The following GLUD2 variants were observed in gnomAD, a reference collection of about 807,000 sequenced individuals.
GLUD2 encodes glutamate dehydrogenase 2, mitochondrial.
A neutral mutation model predicts 16.2 loss-of-function variants in GLUD2; 11 were observed. That is an observed-to-expected ratio of 0.68 (90% confidence interval 0.43 to 1.13). GLUD2 has a LOEUF of 1.13. Among genes scored for constraint, GLUD2 ranks in the 50% most tolerant of loss-of-function variants. GLUD2 has a pLI of 0.00. For synonymous variants in GLUD2, 147 were observed against 181.9 expected (o/e 0.81, Z 1.55); for missense variants, 360 against 456.4 (o/e 0.79, Z 1.93).
In GLUD2 at chrX:121,048,285, A is replaced by T. The variant is rs1353958982; in HGVS notation, c.601A>T (p.Ile201Phe). 8.3e-7 allele frequency: 1 copy of T among 1,210,170 alleles called. No homozygotes were observed. Among genetic ancestry groups the T allele is most frequent in the African/African-American group, 1.7e-5 (1 of 57,179 alleles). ...KNYTENELEK[I>F]TRRFTMELAK... ...CTATACCGAAAATGAATTGGAAAAG[A>T]TCACAAGGAGGTTCACCATGGAGCT... is the stretch of plus-strand genomic sequence containing the variant. The change falls in exon 1 of 1, where the codon ATC becomes TTC. Residue 201 changes from isoleucine (I) to phenylalanine (F), a missense_variant. Physicochemically the swap from Ile to Phe is conservative, Grantham distance 21 (BLOSUM62 0). Transcript: ENST00000328078.
rs1366485762 is a variant in GLUD2 at position 121,048,217 on chromosome X, C to T, written c.533C>T (p.Pro178Leu). 7 of 1,209,745 alleles carry T rather than the reference C, an allele frequency of 5.8e-6. No homozygotes were observed. The highest frequency in any genetic ancestry group is 4.5e-6 in the Non-Finnish European group (4 of 895,176). Residue 178 changes from proline (P) to leucine (L), a missense_variant, in exon 1 of 1, where the codon CCG becomes CTG. Transcript: ENST00000328078. The stretch of plus-strand genomic sequence containing the variant: ...TACAAGTGTGCAGTGGTTGATGTGC[C>T]GTTTGGGGGTGCTAAAGCTGGTGTT... ...MTYKCAVVDV[P>L]FGGAKAGVKI...
rs144178961 is a variant in GLUD2 at position 121,047,863 on chromosome X, G to T, written c.179G>T (p.Arg60Leu). Residue 60 changes from arginine to leucine, a missense_variant, in exon 1 of 1, where the codon CGC (arginine) becomes CTC (leucine). Coordinates refer to ENST00000328078, the MANE Select transcript of GLUD2 (RefSeq NM_012084.4). Reference sequence around the variant, plus strand: ...CACTACAGCGAGTTGGTGGCCGACCGCGAGGACGACCCCAACTTCTTCAAG... The same window carrying T: ...CACTACAGCGAGTTGGTGGCCGACCTCGAGGACGACCCCAACTTCTTCAAG... Reference protein sequence around the residue: ...RRHYSELVADREDDPNFFKMV... With the variant: ...RRHYSELVADLEDDPNFFKMV... 3.9e-4 allele frequency: 469 copies of T among 1,208,707 alleles called. 6 individuals carry two copies. In the African/African-American group the frequency reaches 7.1e-3, roughly 18 times the overall value.
At position 121,048,933 on chromosome X, in the gene GLUD2, T is replaced by C; in HGVS notation, c.1249T>C (p.Phe417Leu). The C allele has an allele frequency of 8.3e-7, 1 of 1,211,793 alleles. No individual in the cohort carries two copies. Among genetic ancestry groups the C allele is most frequent in the African/African-American group, 1.7e-5 (1 of 57,822 alleles). The change falls in exon 1 of 1, where the codon TTC becomes CTC. Residue 417 changes from phenylalanine (F) to leucine (L), a missense_variant. Phe to Leu is a conservative substitution (Grantham distance 22). Transcript: ENST00000328078. ...AACAACTCCAGAAGCTGATAAGATC[T>C]TCCTGGAGAGAAACATTTTGGTTAT... ...GPTTPEADKI[F>L]LERNILVIPD...
Position 121,049,505 on chromosome X carries a change from G to A in GLUD2, c.*144G>A. The A allele has an allele frequency of 1.7e-6, 1 of 586,583 alleles. No individual in the cohort carries two copies. The allele number at this position is 586,583 out of a possible 1,213,427, so 48.3% of individuals were successfully genotyped here. On this transcript the variant is annotated 3_prime_UTR_variant, in exon 1 of 1. Coordinates refer to ENST00000328078, the MANE Select transcript of GLUD2 (RefSeq NM_012084.4). ...ATTCTCAACAAGTCAATCCAAATCA[G>A]CCCGTTAAGGAGAAAGAAATTAATA...
chrX:121,049,153 C>A lies in GLUD2; in HGVS notation c.1469C>A (p.Thr490Lys). 2 of 1,211,640 alleles carry A rather than the reference C, an allele frequency of 1.7e-6. No homozygotes were observed. Among genetic ancestry groups the A allele is most frequent in the Non-Finnish European group, 2.2e-6 (2 of 895,306 alleles). ...KHGGTIPIVP[T>K]AEFQDSISGA... is the part of the protein sequence containing the mutation. The stretch of plus-strand genomic sequence containing the variant: ...GGTGGAACTATTCCCATTGTACCCA[C>A]GGCAGAGTTCCAAGACAGTATATCG... The change falls in exon 1 of 1, where the codon ACG becomes AAG. Residue 490 changes from threonine to lysine, a missense_variant. Physicochemically the swap from Thr to Lys is moderately conservative, Grantham distance 78. Transcript: ENST00000328078.
chrX:121,048,684 G>T lies in GLUD2; in HGVS notation c.1000G>T (p.Asp334Tyr), dbSNP rs1925420758. 8.3e-7 allele frequency: 1 copy of T among 1,211,649 alleles called. No individual in the cohort carries two copies. Among genetic ancestry groups the T allele is most frequent in the South Asian group, 1.8e-5 (1 of 56,969 alleles). ...GAKCIAVGES[D>Y]GSIWNPDGID... ...TAAATGTATTGCTGTTGGTGAGTCT[G>T]ATGGGAGTATATGGAATCCAGATGG... The change falls in exon 1 of 1, where the codon GAT becomes TAT. Residue 334 changes from aspartate to tyrosine, a missense_variant. Transcript: ENST00000328078.
chrX:121,048,711 A>G lies in GLUD2; in HGVS notation c.1027A>G (p.Ile343Val), dbSNP rs376591651. ...SDGSIWNPDG[I>V]DPKELEDFKL... is the part of the protein sequence containing the mutation. ...TGGGAGTATATGGAATCCAGATGGTATTGACCCAAAGGAACTGGAAGACTT... is the reference window on the plus strand; with the variant it reads ...TGGGAGTATATGGAATCCAGATGGTGTTGACCCAAAGGAACTGGAAGACTT... The change falls in exon 1 of 1, where the codon ATT (isoleucine) becomes GTT (valine). Residue 343 changes from isoleucine to valine, a missense_variant. Coordinates refer to ENST00000328078, the MANE Select transcript of GLUD2 (RefSeq NM_012084.4). 8 of 1,209,682 alleles carry G rather than the reference A, an allele frequency of 6.6e-6. No individual in the cohort carries two copies. The South Asian group carries it at 7.0e-5, about 11-fold the overall frequency.
At position 121,048,178 on chromosome X, in the gene GLUD2, C is replaced by T; in HGVS notation, c.494C>T (p.Ala165Val). The change falls in exon 1 of 1, where the codon GCT (alanine) becomes GTT (valine). Residue 165 changes from alanine to valine, a missense_variant. Coordinates refer to ENST00000328078, the MANE Select transcript of GLUD2 (RefSeq NM_012084.4). ...AGTGTAGATGAAGTAAAAGCTTTGG[C>T]TTCTCTGATGACATACAAGTGTGCA... ...DVSVDEVKAL[A>V]SLMTYKCAVV... 8.3e-7 allele frequency: 1 copy of T among 1,211,496 alleles called. No individual in the cohort carries two copies. The highest frequency in any genetic ancestry group is 1.1e-6 in the Non-Finnish European group (1 of 895,423).
In GLUD2 at chrX:121,047,892, G is replaced by A. The variant is rs1002142070; in HGVS notation, c.208G>A (p.Val70Met). ...REDDPNFFKM[V>M]EGFFDRGASI... ...GGACGACCCCAACTTCTTCAAGATG[G>A]TGGAGGGCTTCTTCGATCGCGGCGC... The change falls in exon 1 of 1, where the codon GTG becomes ATG. Residue 70 changes from valine to methionine, a missense_variant. By Grantham distance (21) the Val-to-Met change is conservative (BLOSUM62 1). Coordinates refer to ENST00000328078, the MANE Select transcript of GLUD2 (RefSeq NM_012084.4). 1 of 1,210,851 alleles carries A rather than the reference G, an allele frequency of 8.3e-7. No individual in the cohort carries two copies. The highest frequency in any genetic ancestry group is 1.1e-6 in the Non-Finnish European group (1 of 895,580).
At position 121,050,090 on chromosome X, in the gene GLUD2, C is replaced by T. The variant is rs186348429; in HGVS notation, c.*729C>T. ...AAAGCCCTGTGGATAATTACGTTAT[C>T]TTCATACCTGCAAAACGGTGGAGGC... On this transcript the variant is annotated 3_prime_UTR_variant, in exon 1 of 1. Coordinates refer to ENST00000328078, the MANE Select transcript of GLUD2 (RefSeq NM_012084.4). 9.7e-5 allele frequency: 12 copies of T among 123,549 alleles called. No homozygotes were observed. The East Asian group carries it at 3.3e-3, about 34-fold the overall frequency. The allele number at this position is 123,549 out of a possible 1,213,427, so 10.2% of individuals were successfully genotyped here.
rs758598880 is a variant in GLUD2, at chrX:121,049,180, G to T, written c.1496G>T (p.Gly499Val). 1 of 1,211,898 alleles carries T rather than the reference G, an allele frequency of 8.3e-7. No homozygotes were observed. The highest frequency in any genetic ancestry group is 1.8e-5 in the South Asian group (1 of 56,987). Reference sequence around the variant, plus strand: ...GCAGAGTTCCAAGACAGTATATCGGGTGCATCTGAGAAAGACATTGTGCAC... The same window carrying T: ...GCAGAGTTCCAAGACAGTATATCGGTTGCATCTGAGAAAGACATTGTGCAC... ...PTAEFQDSIS[G>V]ASEKDIVHSA... The change falls in exon 1 of 1, where the codon GGT (glycine) becomes GTT (valine). Residue 499 changes from glycine to valine, a missense_variant. Physicochemically the swap from Gly to Val is moderately radical, Grantham distance 109. Coordinates refer to ENST00000328078, the MANE Select transcript of GLUD2 (RefSeq NM_012084.4).
In GLUD2 at chrX:121,048,568, T is replaced by C. The variant is rs779702832; in HGVS notation, c.884T>C (p.Met295Thr). The C allele has an allele frequency of 8.3e-7, 1 of 1,210,552 alleles. No homozygotes were observed. The highest frequency in any genetic ancestry group is 2.2e-5 in the Admixed American group (1 of 45,910). ...GCTTCTTACATGAGCATTTTAGGAA[T>C]GACACCAGGGTTTAGAGATAAAACA... ...NEASYMSILG[M>T]TPGFRDKTFV... Residue 295 changes from methionine to threonine, a missense_variant, in exon 1 of 1, where the codon ATG becomes ACG. Physicochemically the swap from Met to Thr is moderately conservative, Grantham distance 81. This residue lies in a region of GLUD2 where 279 missense variants were observed against 352.9 expected (regional missense o/e 0.79). Coordinates refer to ENST00000328078, the MANE Select transcript of GLUD2 (RefSeq NM_012084.4).
In GLUD2 at chrX:121,048,811, G is replaced by C. The variant is rs1342974460; in HGVS notation, c.1127G>C (p.Cys376Ser). 1 of 1,211,793 alleles carries C rather than the reference G, an allele frequency of 8.3e-7. No homozygotes were observed. The highest frequency in any genetic ancestry group is 2.2e-5 in the Admixed American group (1 of 46,074). Residue 376 changes from cysteine (C) to serine (S), a missense_variant, in exon 1 of 1, where the codon TGT becomes TCT. By Grantham distance (112) the Cys-to-Ser change is moderately radical (BLOSUM62 -1). Transcript: ENST00000328078. ...GAAGGAAGCATCTTGGAGGTCGACT[G>C]TGACATACTGATCCCAGCTGCCACT... is the stretch of plus-strand genomic sequence containing the variant. ...PYEGSILEVDCDILIPAATEK... is the reference protein window; with the variant it reads ...PYEGSILEVDSDILIPAATEK...
rs1175342056 is a variant in GLUD2 at position 121,049,047 on chromosome X, A to G, written c.1363A>G (p.Thr455Ala). The G allele has an allele frequency of 8.3e-7, 1 of 1,211,724 alleles. No individual in the cohort carries two copies. The highest frequency in any genetic ancestry group is 3.0e-5 in the East Asian group (1 of 33,854). Residue 455 changes from threonine (T) to alanine (A), a missense_variant, in exon 1 of 1, where the codon ACC (threonine) becomes GCC (alanine). Thr to Ala is a moderately conservative substitution (Grantham distance 58). Transcript: ENST00000328078. Reference sequence around the variant, plus strand: ...AAATCATGTCAGCTATGGCCGTTTGACCTTCAAATATGAAAGGGATTCTAA... The same window carrying G: ...AAATCATGTCAGCTATGGCCGTTTGGCCTTCAAATATGAAAGGGATTCTAA... The part of the protein sequence containing the change: ...NLNHVSYGRL[T>A]FKYERDSNYH...
rs759723809 is a variant in GLUD2 at position 121,049,381 on chromosome X, C to T, written c.*20C>T. The T allele has an allele frequency of 7.7e-5, 90 of 1,165,739 alleles. 1 individual carries two copies. In the South Asian group the frequency reaches 1.5e-3, roughly 20 times the overall value. ...ACATAGATGGATCATGGCTGACTTC[C>T]TCACTAACCTCTTCACGTGTAACTT... On this transcript the variant is annotated 3_prime_UTR_variant, in exon 1 of 1. Transcript: ENST00000328078.
rs1450054262 is a variant in GLUD2, at chrX:121,048,935, C to A, written c.1251C>A (p.Phe417Leu). 4.1e-6 allele frequency: 5 copies of A among 1,209,991 alleles called. No individual in the cohort carries two copies. Among genetic ancestry groups the A allele is most frequent in the Non-Finnish European group, 5.6e-6 (5 of 895,112 alleles). The change falls in exon 1 of 1, where the codon TTC (phenylalanine) becomes TTA (leucine). Residue 417 changes from phenylalanine to leucine, a missense_variant. Phe to Leu is a conservative substitution (Grantham distance 22). Transcript: ENST00000328078. ...GPTTPEADKI[F>L]LERNILVIPD... ...CAACTCCAGAAGCTGATAAGATCTT[C>A]CTGGAGAGAAACATTTTGGTTATTC...
At position 121,047,657 on chromosome X, in the gene GLUD2, G is replaced by A. The variant is rs2147395678; in HGVS notation, c.-28G>A. The A allele has an allele frequency of 1.0e-6, 1 of 994,142 alleles. No individual in the cohort carries two copies. The highest frequency in any genetic ancestry group is 1.3e-6 in the Non-Finnish European group (1 of 765,914). The allele number at this position is 994,142 out of a possible 1,213,427, so 81.9% of individuals were successfully genotyped here. On this transcript the variant is annotated 5_prime_UTR_variant, in exon 1 of 1. Transcript: ENST00000328078. ...GAGAAAGCGCACCTGTTCCGCGACC[G>A]TCACGCACCCCTCCTCCGCCTGCCG...
In GLUD2 at chrX:121,048,710, T is replaced by C; in HGVS notation, c.1026T>C (p.Gly342=). Residue 342 remains glycine, a synonymous_variant, in exon 1 of 1, where the codon GGT becomes GGC. Transcript: ENST00000328078. ...ATGGGAGTATATGGAATCCAGATGG[T>C]ATTGACCCAAAGGAACTGGAAGACT... The part of the protein sequence containing the change: ...ESDGSIWNPD[G]IDPKELEDFK... The C allele has an allele frequency of 8.3e-7, 1 of 1,211,612 alleles. No individual in the cohort carries two copies. The highest frequency in any genetic ancestry group is 1.8e-5 in the South Asian group (1 of 56,948).
At position 121,049,503 on chromosome X, in the gene GLUD2, C is replaced by T. The variant is rs749918586; in HGVS notation, c.*142C>T. On this transcript the variant is annotated 3_prime_UTR_variant, in exon 1 of 1. Coordinates refer to ENST00000328078, the MANE Select transcript of GLUD2 (RefSeq NM_012084.4). ...CCATTCTCAACAAGTCAATCCAAATCAGCCCGTTAAGGAGAAAGAAATTAA... is the reference window on the plus strand; with the variant it reads ...CCATTCTCAACAAGTCAATCCAAATTAGCCCGTTAAGGAGAAAGAAATTAA... The T allele has an allele frequency of 1.7e-6, 1 of 599,385 alleles. No homozygotes were observed. The highest frequency in any genetic ancestry group is 3.2e-5 in the East Asian group (1 of 30,795). The allele number at this position is 599,385 out of a possible 1,213,427, so 49.4% of individuals were successfully genotyped here. A position where few individuals can be genotyped will look rare whatever the true frequency, so the allele number is the denominator to read the frequency against.
Sources: allele counts gnomAD v4.1 joint callset, GRCh38; gene constraint gnomAD v4.1.1; regional missense constraint gnomAD v4.1.1; transcripts MANE v1.5; gene names NCBI Gene and HGNC (gene_info 2026-07-23, HGNC 2026-07-21).